PTPRN2: variants seen among roughly 807,000 people sequenced by gnomAD.
The protein encoded by PTPRN2 is receptor-type tyrosine-protein phosphatase N2.
PTPRN2 carries 74 observed loss-of-function variants against 118.8 expected under a neutral mutation model. That is an observed-to-expected ratio of 0.62 (90% confidence interval 0.52 to 0.76). The LOEUF is 0.76. Ranked by LOEUF, PTPRN2 falls within the 30% of genes least tolerant of loss-of-function variation. The pLI, the probability that PTPRN2 is intolerant of heterozygous loss-of-function variation, is 0.00. For synonymous variants in PTPRN2, 641 were observed against 608.0 expected (o/e 1.05, Z -0.80); for missense variants, 1,481 against 1,394.4 (o/e 1.06, Z -0.99).
chr7:158,218,385 T>A (rs1828111914), intron 3 of PTPRN2, among the ~76,000 whole-genome samples: 1 of 152,104 alleles, frequency 6.6e-6, no homozygotes. Flanking sequence ...TTTAGACAAG[T>A]GAACACTAAA....
intron 5 of PTPRN2, among the ~76,000 whole-genome samples, chr7:158,168,957 TG>T (rs1231683377): frequency 6.6e-6 from 1 of 152,214 alleles, no homozygotes; most frequent in Non-Finnish European, 1.5e-5. Flanking sequence ...ACACACAAGC[TG>T]AGCTCCCTGG....
chr7:158,370,100 G>A (rs984916465), intron 2 of PTPRN2, among the ~76,000 whole-genome samples: 24 of 152,146 alleles, frequency 1.6e-4, no homozygotes, highest in South Asian at 4.2e-4. Context: ...ACTGGTGCAC[G>A]GCGGTGACTG....
intron 3 of PTPRN2, among the ~76,000 whole-genome samples, chr7:158,210,072 A>T (rs116101671): frequency 5.3e-5 from 8 of 151,768 alleles, no homozygotes; most frequent in Non-Finnish European, 1.0e-4. Context: ...GAAAGTTTAT[A>T]GCTATAAGCA....
chr7:158,131,323 A>T (rs1176312339), intron 9 of PTPRN2, among the ~76,000 whole-genome samples: 1 of 81,312 alleles, frequency 1.2e-5, no homozygotes, highest in Non-Finnish European at 2.2e-5. Context: ...TACCCCACAT[A>T]CACACTCATA....
chr7:157,648,571 C>G (rs1805316395), intron 14 of PTPRN2, among the ~76,000 whole-genome samples: 1 of 130,170 alleles, frequency 7.7e-6, no homozygotes, highest in African/African-American at 2.8e-5. Flanking sequence ...GGGTCAGACC[C>G]ATCCAGCATG....
At chr7:158,188,301 CCTGTATGGGGAAG>C (rs1263847341) in intron 5 of PTPRN2, among the ~76,000 whole-genome samples, 9 of 119,764 alleles carry the variant, frequency 7.5e-5, no homozygotes, top group African/African-American at 2.5e-4. Context: ...ACGCTCGCCC[CCTGTATGGGGAAG>C]GCCGCCACGC....
Position 158,003,185 on chromosome 7 carries a change from C to T in PTPRN2, c.1723+78113G>A, listed in dbSNP as rs556812131. Among the ~76,000 whole-genome samples, 6 of 152,014 alleles carry T rather than the reference C, an allele frequency of 3.9e-5. No homozygotes were observed. Among genetic ancestry groups the T allele is most frequent in the South Asian group, 2.1e-4 (1 of 4,798 alleles). ...ATCCCAGCACTTTGGGAGGCCGAGACGGGCGGATCACGAGGTCAGGAGATC... is the reference window on the plus strand; with the variant it reads ...ATCCCAGCACTTTGGGAGGCCGAGATGGGCGGATCACGAGGTCAGGAGATC... On this transcript the variant is annotated intron_variant, in intron 11 of 22. Coordinates refer to ENST00000389418, the MANE Select transcript of PTPRN2 (RefSeq NM_002847.5). The surrounding 1 kb of genome is among the most constrained non-coding windows in gnomAD (Gnocchi z 5.0).
rs983016778 is a variant in PTPRN2, at chr7:158,413,986, T to C, written c.163+75749A>G. Among the ~76,000 whole-genome samples the C allele has an allele frequency of 1.1e-4, 17 of 150,496 alleles. No homozygotes were observed. The East Asian group carries it at 3.3e-3, about 29-fold the overall frequency. ...GAAACCGTGTCTCTACTAAATCACT[T>C]GAACCTGGGAGGCGGAGGTTGCAGT... is the stretch of plus-strand genomic sequence containing the variant. On this transcript the variant is annotated intron_variant, in intron 2 of 22. Transcript: ENST00000389418.
At chr7:158,134,099 G>C in intron 8 of PTPRN2, 40 bp from the exon 9 acceptor site, 2 of 1,583,456 alleles carry the variant, frequency 1.3e-6, no homozygotes, top group Non-Finnish European at 1.7e-6. Flanking sequence ...TCTGCGAAAG[G>C]AATGCTGATG....
At chr7:158,194,126 CGTGTGT>C (rs372172364) in intron 4 of PTPRN2, among the ~76,000 whole-genome samples, 1 of 151,496 alleles carries the variant, frequency 6.6e-6, no homozygotes, top group East Asian at 1.9e-4. Context: ...CGCGCATGTG[CGTGTGT>C]GAGTTTGTGT....
At chr7:158,337,360 C>A (rs74865242) in intron 2 of PTPRN2, among the ~76,000 whole-genome samples, 2,080 of 53,564 alleles carry the variant, frequency 0.039, 4 homozygotes, top group African/African-American at 0.091. Context: ...CTGCAGACGT[C>A]CCTCACACCC....
intron 14 of PTPRN2, among the ~76,000 whole-genome samples, chr7:157,642,813 G>GAAAAA (rs1274924724): frequency 1.4e-4 from 1 of 6,908 alleles, no homozygotes. Context: ...TCAAGAAACA[G>GAAAAA]CAAAAAAAAA....
At chr7:157,842,848 G>T (rs921469609) in intron 12 of PTPRN2, among the ~76,000 whole-genome samples, 2 of 152,092 alleles carry the variant, frequency 1.3e-5, no homozygotes, top group Non-Finnish European at 2.9e-5. Flanking sequence ...ACTATTCTTG[G>T]GAAAGAGGCA....
rs1362138979 is a variant in PTPRN2, at chr7:157,729,688, G to T, written c.1789-46751C>A. ...GGGAGGTCCTGGGAGGGTCGCTAGG[G>T]TGAGGACGCTGAGAGCCCATGTGCT... On this transcript the variant is annotated intron_variant, in intron 12 of 22. Transcript: ENST00000389418. The surrounding 1 kb of genome is among the most constrained non-coding windows in gnomAD (Gnocchi z 4.3). Among the ~76,000 whole-genome samples the T allele has an allele frequency of 4.6e-5, 7 of 152,196 alleles. No homozygotes were observed. In the East Asian group the frequency reaches 9.6e-4, roughly 21 times the overall value.
chr7:157,923,849 G>A (rs1231271234), intron 11 of PTPRN2, among the ~76,000 whole-genome samples: 1 of 152,140 alleles, frequency 6.6e-6, no homozygotes, highest in African/African-American at 2.4e-5. Flanking sequence ...TAAACTCAGG[G>A]AGATTTTAGT....
intron 9 of PTPRN2, among the ~76,000 whole-genome samples, chr7:158,115,829 C>G (rs145189780): frequency 6.6e-6 from 1 of 152,204 alleles, no homozygotes; most frequent in African/African-American, 2.4e-5. Flanking sequence ...ATCAAACACA[C>G]GGAGTCTGTG....
chr7:157,675,635 C>T (rs949426451), intron 13 of PTPRN2, among the ~76,000 whole-genome samples: 4 of 152,304 alleles, frequency 2.6e-5, no homozygotes, highest in East Asian at 1.9e-4. Flanking sequence ...TGTGCGGAAA[C>T]GGGTACCCTG....
At position 158,529,001 on chromosome 7, in the gene PTPRN2, G is replaced by C. The variant is rs1825011456; in HGVS notation, c.113-39216C>G. On this transcript the variant is annotated intron_variant, in intron 1 of 22. Transcript: ENST00000389418. The surrounding 1 kb of genome is among the most constrained non-coding windows in gnomAD (Gnocchi z 4.7). ...GTGAGGGAAACGTGTGCTCACGAAAGTCAGCCTGGCCTTCGAGCCCACCAA... is the reference window on the plus strand; with the variant it reads ...GTGAGGGAAACGTGTGCTCACGAAACTCAGCCTGGCCTTCGAGCCCACCAA... Among the ~76,000 whole-genome samples the C allele has an allele frequency of 6.6e-6, 1 of 152,168 alleles. No homozygotes were observed. Among genetic ancestry groups the C allele is most frequent in the Non-Finnish European group, 1.5e-5 (1 of 68,034 alleles).
intron 12 of PTPRN2, among the ~76,000 whole-genome samples, chr7:157,728,212 G>A (rs74494722): frequency 0.025 from 3,733 of 152,344 alleles, 134 homozygotes; most frequent in African/African-American, 0.084. Context: ...ACTCTGCCGC[G>A]CGGTCTCCTC....
Sources: gnomAD v4.1 joint callset for allele counts (sites outside exome capture counted in the v4.1 genomes callset) on GRCh38, gnomAD v4.1.1 for gene constraint, Gnocchi (gnomAD v3.1) non-coding constraint, MANE v1.5 for transcripts, NCBI Gene and HGNC (gene_info 2026-07-23, HGNC 2026-07-21) for gene names.